CACNA2D1: variants seen among roughly 807,000 people sequenced by gnomAD.
CACNA2D1 encodes the protein calcium voltage-gated channel auxiliary subunit alpha2delta 1, also known as voltage-dependent calcium channel subunit alpha-2/delta-1.
CACNA2D1 carries 53 observed loss-of-function variants against 171.5 expected under a neutral mutation model. That is an observed-to-expected ratio of 0.31 (90% CI 0.25 to 0.39). The LOEUF (loss-of-function observed/expected upper bound fraction) is 0.39. Ranked by LOEUF, CACNA2D1 falls within the 10% of genes least tolerant of loss-of-function variation. The pLI, the probability that CACNA2D1 is intolerant of heterozygous loss-of-function variation, is 1.00. For missense variants in CACNA2D1, 903 were observed against 1,299.8 expected, an observed-to-expected ratio of 0.69 and a Z score of 4.69; for synonymous variants, 442 against 443.1, an observed-to-expected ratio of 1.00 and a Z score of 0.03.
intron 16 of CACNA2D1, among the ~76,000 whole-genome samples, chr7:82,006,112 C>T (rs1392733738): frequency 6.6e-6 from 1 of 151,800 alleles, no homozygotes; most frequent in Non-Finnish European, 1.5e-5. Context: ...ACTTCTTGTA[C>T]CCTTTTCTTC....
At chr7:81,964,594 G>A (rs1794502929) in intron 32 of CACNA2D1, among the ~76,000 whole-genome samples, 1 of 151,826 alleles carries the variant, frequency 6.6e-6, no homozygotes, top group Non-Finnish European at 1.5e-5. Context: ...TGGAAAGAAT[G>A]GACACACATT....
intron 1 of CACNA2D1, among the ~76,000 whole-genome samples, chr7:82,413,364 A>G (rs1827863467): frequency 6.6e-6 from 1 of 152,128 alleles, no homozygotes; most frequent in South Asian, 2.1e-4. Context: ...TTGTGTCTGC[A>G]TTTTCAGGCC....
At chr7:82,430,294 T>G (rs532937797) in intron 1 of CACNA2D1, among the ~76,000 whole-genome samples, 132 of 151,750 alleles carry the variant, frequency 8.7e-4, no homozygotes, top group Non-Finnish European at 1.2e-3. Context: ...GGTTGGCACC[T>G]GTAATCCCAG....
In CACNA2D1 at chr7:82,404,163, T is replaced by A. The variant is rs1171951099; in HGVS notation, c.95+39202A>T. On this transcript the variant is annotated intron_variant, in intron 1 of 38. Transcript: ENST00000356860. ...CAGACCAAAGAGTCAAAATCTTGGA[T>A]GGGAGTTCTAAATAAGTTCTGGAAA... Among the ~76,000 whole-genome samples the A allele has an allele frequency of 2.6e-5, 4 of 152,262 alleles. No homozygotes were observed. The East Asian group carries it at 7.7e-4, about 29-fold the overall frequency.
At chr7:82,050,383 G>A (rs1195371498) in intron 10 of CACNA2D1, 1 of 563,572 alleles carries the variant, frequency 1.8e-6, no homozygotes, top group African/African-American at 1.9e-5. Flanking sequence ...GAGGAGCAGA[G>A]TAACATCTTT....
intron 3 of CACNA2D1, among the ~76,000 whole-genome samples, chr7:82,284,140 G>A (rs1810471364): frequency 6.7e-6 from 1 of 149,726 alleles, no homozygotes; most frequent in East Asian, 2.0e-4. Flanking sequence ...GCTCTACTGT[G>A]CTATGATAAC....
At chr7:82,441,696 C>T (rs937557783) in intron 1 of CACNA2D1, among the ~76,000 whole-genome samples, 2 of 152,112 alleles carry the variant, frequency 1.3e-5, no homozygotes, top group Admixed American at 1.3e-4. Context: ...TGTATCCCCT[C>T]CCATGATAAA....
intron 4 of CACNA2D1, among the ~76,000 whole-genome samples, chr7:82,147,556 C>A (rs1206994480): frequency 6.6e-6 from 1 of 152,036 alleles, no homozygotes; most frequent in African/African-American, 2.4e-5. Context: ...TAAAACATTT[C>A]ATTTCTTATG....
chr7:82,050,012 C>A (rs968762451), intron 10 of CACNA2D1, among the ~76,000 whole-genome samples: 16 of 152,084 alleles, frequency 1.1e-4, no homozygotes, highest in Non-Finnish European at 2.1e-4. Context: ...CAGCAATTTA[C>A]AATTGTACTC....
rs575014592 is a variant in CACNA2D1 at position 81,984,335 on chromosome 7, A to C, written c.1873+300T>G. On this transcript the variant is annotated intron_variant, in intron 22 of 38. Transcript: ENST00000356860. ...TGTGAAACATTTTGCTCCAGCTAGC[A>C]GACCCTTAAAACGACAGCAACAGGA... is the stretch of plus-strand genomic sequence containing the variant. Among the ~76,000 whole-genome samples, 12 of 152,344 alleles carry C rather than the reference A, an allele frequency of 7.9e-5. No homozygotes were observed. The East Asian group carries it at 2.1e-3, about 27-fold the overall frequency.
chr7:82,065,006 G>A (rs1266899836), intron 8 of CACNA2D1, among the ~76,000 whole-genome samples: 1 of 152,110 alleles, frequency 6.6e-6, no homozygotes, highest in Non-Finnish European at 1.5e-5. Context: ...GTTGTGGAGA[G>A]AGATCATCTT....
chr7:82,136,769 C>T, intron 4 of CACNA2D1, 93 bp from the exon 5 acceptor site: 1 of 845,480 alleles, frequency 1.2e-6, no homozygotes, highest in South Asian at 1.6e-5. Context: ...AAATAAACTC[C>T]TTGTCATCTT....
intron 3 of CACNA2D1, among the ~76,000 whole-genome samples, chr7:82,266,196 A>G (rs1807825716): frequency 6.6e-6 from 1 of 152,296 alleles, no homozygotes; most frequent in East Asian, 1.9e-4. Flanking sequence ...TTAGACAATA[A>G]TTAGGTGTGT....
chr7:82,414,920 A>G, intron 1 of CACNA2D1, among the ~76,000 whole-genome samples: 1 of 152,300 alleles, frequency 6.6e-6, no homozygotes, highest in East Asian at 1.9e-4. Context: ...ACAAATTCAT[A>G]TTATCTTAAC....
chr7:82,346,685 CTT>C (rs1268635181), intron 2 of CACNA2D1, among the ~76,000 whole-genome samples: 6 of 151,708 alleles, frequency 4.0e-5, no homozygotes, highest in African/African-American at 1.5e-4. Flanking sequence ...TCCTTACACT[CTT>C]TTCTTTTTGA....
intron 6 of CACNA2D1, among the ~76,000 whole-genome samples, chr7:82,096,690 A>C (rs1018372242): frequency 1.1e-4 from 17 of 150,342 alleles, no homozygotes; most frequent in African/African-American, 4.2e-4. Flanking sequence ...ATATCCTGCA[A>C]TAACAAAACA....
At chr7:82,114,297 T>C (rs902225811) in intron 6 of CACNA2D1, among the ~76,000 whole-genome samples, 1 of 152,182 alleles carries the variant, frequency 6.6e-6, no homozygotes, top group Non-Finnish European at 1.5e-5. Flanking sequence ...TTCAACTCAG[T>C]AAAGGAAGCA....
At chr7:82,307,510 A>G (rs953355060) in intron 3 of CACNA2D1, among the ~76,000 whole-genome samples, 13 of 150,200 alleles carry the variant, frequency 8.7e-5, no homozygotes, top group African/African-American at 2.7e-4. Flanking sequence ...TATAATTCTT[A>G]AAATAATTAT....
At chr7:82,115,881 A>G (rs1363311188) in intron 6 of CACNA2D1, among the ~76,000 whole-genome samples, 1 of 152,180 alleles carries the variant, frequency 6.6e-6, no homozygotes, top group African/African-American at 2.4e-5. Context: ...ATTTAAATAC[A>G]TTAAACTTGC....
Sources: gnomAD v4.1 joint callset for allele counts (sites outside exome capture counted in the v4.1 genomes callset) on GRCh38, gnomAD v4.1.1 for gene constraint, MANE v1.5 for transcripts, NCBI Gene and HGNC (gene_info 2026-07-23, HGNC 2026-07-21) for gene names.